RCAN1: variants seen among roughly 807,000 people sequenced by gnomAD.
RCAN1 encodes the protein regulator of calcineurin 1.
In RCAN1, 11 loss-of-function variants were observed where a neutral mutation model predicts 22.9. The observed-to-expected ratio is 0.48, with a 90% CI of 0.30 to 0.79. RCAN1 has a LOEUF of 0.79. RCAN1 is among the 30% of genes least tolerant of loss of function. The probability of loss-of-function intolerance (pLI) is 0.06; values close to 1 mark genes in which losing one functional copy is unlikely to be tolerated. For synonymous variants in RCAN1, 136 were observed against 142.3 expected, an observed-to-expected ratio of 0.96 and a Z score of 0.32; for missense variants, 291 against 337.8, an observed-to-expected ratio of 0.86 and a Z score of 1.09.
intron 1 of RCAN1, among the ~76,000 whole-genome samples, chr21:34,586,882 A>G (rs954183861): frequency 6.6e-6 from 1 of 152,198 alleles, no homozygotes; most frequent in Non-Finnish European, 1.5e-5. Flanking sequence ...TGAACCCAGG[A>G]GACAGAGGTT....
chr21:34,521,985 T>C (rs1984598410), intron 2 of RCAN1: 1 of 251,240 alleles, frequency 4.0e-6, no homozygotes, highest in South Asian at 6.1e-5. Context: ...GTCACTGTCA[T>C]TGAGGTCAGG....
rs539128347 is a variant in RCAN1, at chr21:34,610,662, T to C, written c.252+4098A>G. 1.8e-4 allele frequency among the ~76,000 whole-genome samples: 27 copies of C among 152,314 alleles called. No individual in the cohort carries two copies. The East Asian group carries it at 5.2e-3, about 29-fold the overall frequency. On this transcript the variant is annotated intron_variant, in intron 1 of 3. Transcript: ENST00000313806. ...ACAATTAGAATCACCTGGGGAGCTT[T>C]CCAGGCGATTCCCAGCCCCAGAGAT... is the stretch of plus-strand genomic sequence containing the variant.
chr21:34,613,730 T>A, intron 1 of RCAN1: 1 of 1,465,280 alleles, frequency 6.8e-7, no homozygotes, highest in South Asian at 1.4e-5. Flanking sequence ...CACACGGCCA[T>A]TGTAATTCCT....
At position 34,610,321 on chromosome 21, in the gene RCAN1, C is replaced by G. The variant is rs1309824724; in HGVS notation, c.252+4439G>C. 2.0e-5 allele frequency among the ~76,000 whole-genome samples: 3 copies of G among 152,320 alleles called. No individual in the cohort carries two copies. In the East Asian group the frequency reaches 5.8e-4, roughly 29 times the overall value. ...AGTTTTGGGAGGCCAAGTGCATGAT[C>G]TGCCGTTTGGGTGGAGAGTGAGCAG... is the stretch of plus-strand genomic sequence containing the variant. On this transcript the variant is annotated intron_variant, in intron 1 of 3. Coordinates refer to ENST00000313806, the MANE Select transcript of RCAN1 (RefSeq NM_004414.7).
At chr21:34,567,623 T>C (rs1002046813) in intron 1 of RCAN1, among the ~76,000 whole-genome samples, 3 of 151,650 alleles carry the variant, frequency 2.0e-5, no homozygotes, top group African/African-American at 7.3e-5. Flanking sequence ...CTAAGAGGCA[T>C]ACTTCTGTTA....
chr21:34,523,624 G>T lies in RCAN1; in HGVS notation c.339C>A (p.Phe113Leu). 6.2e-7 allele frequency: 1 copy of T among 1,614,162 alleles called. No homozygotes were observed. Among genetic ancestry groups the T allele is most frequent in the Non-Finnish European group, 8.5e-7 (1 of 1,180,034 alleles). ...FKSFKRVRINFSNPFSAADAR... is the reference protein window; with the variant it reads ...FKSFKRVRINLSNPFSAADAR... ...CATCTGCTGCGGAGAAGGGGTTGCTGAAGTTTATTCTGACTCGTTTGAAGC... is the reference window on the plus strand; with the variant it reads ...CATCTGCTGCGGAGAAGGGGTTGCTTAAGTTTATTCTGACTCGTTTGAAGC... Residue 113 changes from phenylalanine (F) to leucine (L), a missense_variant, in exon 2 of 4, where the codon TTC (phenylalanine) becomes TTA (leucine). Phe to Leu is a conservative substitution (Grantham distance 22). Coordinates refer to ENST00000313806, the MANE Select transcript of RCAN1 (RefSeq NM_004414.7).
At chr21:34,535,789 C>T (rs1985639620) in intron 1 of RCAN1, among the ~76,000 whole-genome samples, 1 of 151,484 alleles carries the variant, frequency 6.6e-6, no homozygotes, top group Non-Finnish European at 1.5e-5. Context: ...TGCAATTATG[C>T]CTGCTCTATA....
At chr21:34,527,863 A>G (rs964513404) in intron 1 of RCAN1, among the ~76,000 whole-genome samples, 1 of 152,144 alleles carries the variant, frequency 6.6e-6, no homozygotes, top group African/African-American at 2.4e-5. Flanking sequence ...GTAAAAAAAA[A>G]AAAAAAAAGG....
chr21:34,558,604 A>G (rs1015186846), intron 1 of RCAN1, among the ~76,000 whole-genome samples: 3 of 150,624 alleles, frequency 2.0e-5, no homozygotes, highest in African/African-American at 7.4e-5. Flanking sequence ...CTTCAGCTCT[A>G]CAGAAAATCT....
At chr21:34,611,080 C>T (rs1047810173) in intron 1 of RCAN1, among the ~76,000 whole-genome samples, 5 of 152,112 alleles carry the variant, frequency 3.3e-5, no homozygotes, top group Non-Finnish European at 5.9e-5. Context: ...TGGAAATGAA[C>T]GGAATATTAT....
At chr21:34,599,759 A>G (rs1279314785) in intron 1 of RCAN1, among the ~76,000 whole-genome samples, 1 of 152,206 alleles carries the variant, frequency 6.6e-6, no homozygotes, top group Non-Finnish European at 1.5e-5. Flanking sequence ...CGTAATTAAC[A>G]AAGTGATAGT....
intron 1 of RCAN1, among the ~76,000 whole-genome samples, chr21:34,580,731 C>T (rs919196785): frequency 5.3e-5 from 8 of 152,190 alleles, no homozygotes; most frequent in African/African-American, 9.7e-5. Flanking sequence ...CCATGATCTC[C>T]GCCCCACTCT....
intron 1 of RCAN1, among the ~76,000 whole-genome samples, chr21:34,596,882 G>A (rs1026007249): frequency 3.3e-5 from 5 of 152,200 alleles, no homozygotes; most frequent in South Asian, 2.1e-4. Flanking sequence ...TGCGAGGCTC[G>A]GGCCTGCTCA....
chr21:34,558,159 G>C (rs1339928978), intron 1 of RCAN1, among the ~76,000 whole-genome samples: 3 of 152,140 alleles, frequency 2.0e-5, no homozygotes, highest in Non-Finnish European at 4.4e-5. Flanking sequence ...CAAGACATTT[G>C]GCTATTCCAT....
chr21:34,519,688 C>T (rs184523744), intron 3 of RCAN1, among the ~76,000 whole-genome samples: 47 of 152,208 alleles, frequency 3.1e-4, no homozygotes, highest in African/African-American at 1.0e-3. Context: ...TGAGCCACCG[C>T]GCCCGGCCTG....
At chr21:34,574,432 TAAACCATA>T (rs1319191497) in intron 1 of RCAN1, among the ~76,000 whole-genome samples, 2 of 152,188 alleles carry the variant, frequency 1.3e-5, no homozygotes, top group African/African-American at 2.4e-5. Flanking sequence ...AATGATGGCA[TAAACCATA>T]AAGGAGAAAG....
In RCAN1 at chr21:34,568,945, A is replaced by T. The variant is rs1379101895; in HGVS notation, c.253-45235T>A. ...GTGAGAGACAAAAGGTGCTTCTTACATGGCGGCGGCAAAGGAAAATGAGGA... is the reference window on the plus strand; with the variant it reads ...GTGAGAGACAAAAGGTGCTTCTTACTTGGCGGCGGCAAAGGAAAATGAGGA... On this transcript the variant is annotated intron_variant, in intron 1 of 3. Coordinates refer to ENST00000313806, the MANE Select transcript of RCAN1 (RefSeq NM_004414.7). Among the ~76,000 whole-genome samples, 4 of 152,346 alleles carry T rather than the reference A, an allele frequency of 2.6e-5. No homozygotes were observed. The East Asian group carries it at 5.8e-4, about 22-fold the overall frequency.
At chr21:34,524,735 G>A (rs759531048) in intron 1 of RCAN1, 3 of 207,192 alleles carry the variant, frequency 1.4e-5, no homozygotes, top group Non-Finnish European at 2.9e-5. Context: ...TAGGGCTAGT[G>A]AGAATTAGGA....
intron 1 of RCAN1, among the ~76,000 whole-genome samples, chr21:34,560,647 A>G (rs1357878992): frequency 6.6e-6 from 1 of 152,240 alleles, no homozygotes; most frequent in Admixed American, 6.5e-5. Flanking sequence ...ATACTTAATA[A>G]TTAGCACCAG....
Sources: gnomAD v4.1 joint callset for allele counts (sites outside exome capture counted in the v4.1 genomes callset) on GRCh38, gnomAD v4.1.1 for gene constraint, MANE v1.5 for transcripts, NCBI Gene and HGNC (gene_info 2026-07-23, HGNC 2026-07-21) for gene names.